The following CRK variants were observed in gnomAD, a reference collection of about 807,000 sequenced individuals.
The protein encoded by CRK is CRK proto-oncogene, adaptor protein.
In CRK, 4 loss-of-function variants were observed where a neutral mutation model predicts 29.8. The observed-to-expected ratio is 0.13, with a 90% CI of 0.07 to 0.31. The LOEUF (loss-of-function observed/expected upper bound fraction) is 0.31. Ranked by LOEUF, CRK falls within the 10% of genes least tolerant of loss-of-function variation. The probability of loss-of-function intolerance (pLI) is 1.00; values close to 1 mark genes in which losing one functional copy is unlikely to be tolerated. For missense variants in CRK, 274 were observed against 396.5 expected (o/e 0.69, Z 2.62); for synonymous variants, 153 against 164.9 (o/e 0.93, Z 0.55).
At chr17:1,432,210 C>T (rs1396067040) in intron 2 of CRK, among the ~76,000 whole-genome samples, 1 of 152,112 alleles carries the variant, frequency 6.6e-6, no homozygotes, top group African/African-American at 2.4e-5. Flanking sequence ...CAACATAGGC[C>T]AGGCGGGGTG....
chr17:1,432,215 G>C (rs12945630), intron 2 of CRK, among the ~76,000 whole-genome samples: 2 of 152,148 alleles, frequency 1.3e-5, no homozygotes, highest in South Asian at 4.1e-4. Flanking sequence ...TAGGCCAGGC[G>C]GGGTGGCTCA....
At chr17:1,451,256 G>C (rs886841653) in intron 1 of CRK, among the ~76,000 whole-genome samples, 2 of 146,520 alleles carry the variant, frequency 1.4e-5, no homozygotes, top group African/African-American at 5.1e-5. Flanking sequence ...ACTTTAGATA[G>C]CAGATGTGTA....
intron 1 of CRK, among the ~76,000 whole-genome samples, chr17:1,440,085 G>A (rs1389323959): frequency 6.6e-6 from 1 of 151,288 alleles, no homozygotes; most frequent in Non-Finnish European, 1.5e-5. Flanking sequence ...GGATCACAAG[G>A]TCAGGAGATC....
At chr17:1,432,301 C>T (rs2073850884) in intron 2 of CRK, among the ~76,000 whole-genome samples, 1 of 149,930 alleles carries the variant, frequency 6.7e-6, no homozygotes, top group Non-Finnish European at 1.5e-5. Context: ...CTAGCCTGGC[C>T]AATGTGGCGA....
At chr17:1,427,676 C>A (rs2073794310) in intron 2 of CRK, among the ~76,000 whole-genome samples, 1 of 151,984 alleles carries the variant, frequency 6.6e-6, no homozygotes, top group Non-Finnish European at 1.5e-5. Context: ...GTCACCCAGG[C>A]TGGAGTGCAG....
At chr17:1,427,823 C>T (rs976578161) in intron 2 of CRK, among the ~76,000 whole-genome samples, 1 of 151,580 alleles carries the variant, frequency 6.6e-6, no homozygotes, top group African/African-American at 2.4e-5. Flanking sequence ...TTAGTAGAGA[C>T]GGGGTCTCAC....
intron 1 of CRK, among the ~76,000 whole-genome samples, chr17:1,451,192 CAA>C (rs10691537): frequency 7.5e-4 from 50 of 66,954 alleles, no homozygotes; most frequent in South Asian, 1.6e-3. Context: ...GAAACTGTCT[CAA>C]AAAAAAAAAA....
At chr17:1,454,576 A>G (rs987115920) in intron 1 of CRK, among the ~76,000 whole-genome samples, 5 of 152,182 alleles carry the variant, frequency 3.3e-5, no homozygotes. Context: ...CCAATTCTCT[A>G]TTTCTGGCCG....
At chr17:1,437,388 G>A (rs370128419) in intron 1 of CRK, among the ~76,000 whole-genome samples, 1 of 151,836 alleles carries the variant, frequency 6.6e-6, no homozygotes, top group South Asian at 2.1e-4. Context: ...TACACATTTA[G>A]TCAAGATTTA....
rs1205653604 is a variant in CRK at position 1,421,707 on chromosome 17, G to A, written c.*1806C>T. ...TCAGACAAATACGTGCACACTGACT[G>A]TGTGTCAGACAGTGTGCCGGTCACT... On this transcript the variant is annotated 3_prime_UTR_variant, in exon 3 of 3. Coordinates refer to ENST00000300574, the MANE Select transcript of CRK (RefSeq NM_016823.4). The A allele has an allele frequency of 1.3e-5, 2 of 152,174 alleles. No individual in the cohort carries two copies. The highest frequency in any genetic ancestry group is 3.8e-4 in the East Asian group (2 of 5,198). The allele number at this position is 152,174 out of a possible 1,614,324, so 9.4% of individuals were successfully genotyped here.
intron 2 of CRK, among the ~76,000 whole-genome samples, chr17:1,430,147 T>C (rs2073825002): frequency 6.9e-6 from 1 of 145,136 alleles, no homozygotes; most frequent in African/African-American, 2.6e-5. Flanking sequence ...CGGGTTCAAG[T>C]GATTCTCCTG....
chr17:1,454,215 G>C (rs1452035654), intron 1 of CRK, among the ~76,000 whole-genome samples: 3 of 149,836 alleles, frequency 2.0e-5, no homozygotes, highest in Non-Finnish European at 3.0e-5. Context: ...AAATAAATAA[G>C]TAAGAAATAA....
In CRK at chr17:1,441,220, G is replaced by T. The variant is rs1029352372; in HGVS notation, c.242-4065C>A. Among the ~76,000 whole-genome samples the T allele has an allele frequency of 3.3e-5, 5 of 152,164 alleles. No homozygotes were observed. The East Asian group carries it at 9.7e-4, about 30-fold the overall frequency. ...TAGTATTACAGGCGTGAGCCACCAC[G>T]CCTGGCCTTGGCTTTGTTTTTTGAG... On this transcript the variant is annotated intron_variant, in intron 1 of 2. Transcript: ENST00000300574.
Position 1,422,182 on chromosome 17 carries a change from G to C in CRK, c.*1331C>G, listed in dbSNP as rs887536991. ...TTTTTTTTTCCTTTTTTTTTTTTTT[G>C]AGACTGAGTCTTGCCCTGTCGCTCA... On this transcript the variant is annotated 3_prime_UTR_variant, in exon 3 of 3. Coordinates refer to ENST00000300574, the MANE Select transcript of CRK (RefSeq NM_016823.4). 22 of 48,618 alleles carry C rather than the reference G, an allele frequency of 4.5e-4. No individual in the cohort carries two copies. The highest frequency in any genetic ancestry group is 2.8e-3 in the Admixed American group (11 of 3,962). The allele number at this position is 48,618 out of a possible 1,614,324, so 3.0% of individuals were successfully genotyped here.
chr17:1,443,474 C>T lies in CRK; in HGVS notation c.242-6319G>A, dbSNP rs946755836. ...GCAGTGGTGCAATCTTGGCTCACTG[C>T]AAGCTCTGCCTCCCAGGTTCACGCC... On this transcript the variant is annotated intron_variant, in intron 1 of 2. Coordinates refer to ENST00000300574, the MANE Select transcript of CRK (RefSeq NM_016823.4). Among the ~76,000 whole-genome samples, 3 of 152,286 alleles carry T rather than the reference C, an allele frequency of 2.0e-5. No individual in the cohort carries two copies. In the South Asian group the frequency reaches 6.2e-4, roughly 32 times the overall value.
chr17:1,424,167 A>G (rs1369219119), intron 2 of CRK, among the ~76,000 whole-genome samples: 1 of 146,944 alleles, frequency 6.8e-6, no homozygotes, highest in Non-Finnish European at 1.5e-5. Context: ...CCCAGGTTCG[A>G]GCAATTTTCC....
chr17:1,434,036 C>G (rs745330135), intron 2 of CRK, among the ~76,000 whole-genome samples: 34 of 152,048 alleles, frequency 2.2e-4, no homozygotes, highest in Non-Finnish European at 4.7e-4. Context: ...TTTATTGGAA[C>G]ACAGCAAGCT....
intron 2 of CRK, among the ~76,000 whole-genome samples, chr17:1,431,096 T>C (rs980678759): frequency 4.0e-5 from 4 of 100,800 alleles, no homozygotes. Context: ...ACAAACAAAT[T>C]AACCCTTTGT....
intron 1 of CRK, among the ~76,000 whole-genome samples, chr17:1,438,693 C>T (rs946673465): frequency 2.0e-5 from 3 of 152,026 alleles, no homozygotes; most frequent in Admixed American, 1.3e-4. Context: ...ATATTACAAA[C>T]GCTTAAAATT....
Sources: allele counts gnomAD v4.1 joint callset (sites outside exome capture counted in the v4.1 genomes callset), GRCh38; gene constraint gnomAD v4.1.1; transcripts MANE v1.5; gene names NCBI Gene and HGNC (gene_info 2026-07-23, HGNC 2026-07-21).